The following CSMD2 variants were observed in gnomAD, a reference collection of about 807,000 sequenced individuals.
CSMD2 encodes the protein CUB and Sushi multiple domains 2.
Under a neutral mutation model 398.5 loss-of-function variants are expected in CSMD2, and 130 were observed. The observed-to-expected ratio is 0.33, with a 90% CI of 0.28 to 0.38. The LOEUF is 0.38. CSMD2 is among the 10% of genes least tolerant of loss of function. The pLI is 1.00. For missense variants in CSMD2, 3,829 were observed against 4,764.9 expected (o/e 0.80, Z 5.78); for synonymous variants, 1,828 against 1,908.5 (o/e 0.96, Z 1.10).
intron 5 of CSMD2, among the ~76,000 whole-genome samples, chr1:33,875,268 G>C (rs896405404): frequency 2.0e-5 from 3 of 152,220 alleles, no homozygotes; most frequent in African/African-American, 7.2e-5. Context: ...AACATAAGGG[G>C]CGGGGGAACT....
intron 10 of CSMD2, among the ~76,000 whole-genome samples, chr1:33,799,131 C>G (rs1224327751): frequency 6.6e-6 from 1 of 152,198 alleles, no homozygotes; most frequent in East Asian, 1.9e-4. Flanking sequence ...CCAAATCTGT[C>G]CTATAGCCTA....
rs530210133 is a variant in CSMD2, at chr1:33,592,370, A to C, written c.6857-5202T>G. 4 of 715,398 alleles carry C rather than the reference A, an allele frequency of 5.6e-6. No homozygotes were observed. In the African/African-American group the frequency reaches 7.0e-5, roughly 12 times the overall value. The allele number at this position is 715,398 out of a possible 1,614,324, so 44.3% of individuals were successfully genotyped here. A position where few individuals can be genotyped will look rare whatever the true frequency, so the allele number is the denominator to read the frequency against. ...TCCTATTTCAACTTCCCAAGAGAGA[A>C]CATCTGATTGCCCCTGCTGCAGTCA... On this transcript the variant is annotated intron_variant, in intron 44 of 70. Coordinates refer to ENST00000373381, the MANE Select transcript of CSMD2 (RefSeq NM_001281956.2).
intron 42 of CSMD2, 133 bp from the exon 43 acceptor site, chr1:33,602,679 G>T: frequency 2.7e-6 from 2 of 736,236 alleles, no homozygotes; most frequent in Non-Finnish European, 4.2e-6. Context: ...TGCGGAAGGG[G>T]AGGCCAAGCT....
chr1:33,871,930 A>G (rs1488673471), intron 5 of CSMD2, among the ~76,000 whole-genome samples: 6 of 152,190 alleles, frequency 3.9e-5, no homozygotes, highest in Non-Finnish European at 7.3e-5. Context: ...TAAAGCCACC[A>G]GTCCCACTCT....
chr1:34,044,141 G>A (rs1652205174), intron 2 of CSMD2, among the ~76,000 whole-genome samples: 1 of 152,080 alleles, frequency 6.6e-6, no homozygotes, highest in Admixed American at 6.6e-5. Flanking sequence ...CATGCGGGTG[G>A]TGATGCAGAC....
chr1:33,564,339 C>G (rs994913753), intron 53 of CSMD2, among the ~76,000 whole-genome samples: 4 of 152,190 alleles, frequency 2.6e-5, no homozygotes, highest in Non-Finnish European at 5.9e-5. Flanking sequence ...ACCTGAGTGC[C>G]TAACTACTTC....
chr1:34,111,982 TTCTCTCTCTCTCTCTCTCTCTC>T (rs6143186), intron 1 of CSMD2, among the ~76,000 whole-genome samples: 2 of 149,688 alleles, frequency 1.3e-5, no homozygotes, highest in Admixed American at 6.6e-5. Flanking sequence ...TTCTTTCAAA[TTCTCTCTCTCTCTCTCTCTCTC>T]TCTCTCTCTC....
At chr1:34,046,609 C>T (rs1366816665) in intron 2 of CSMD2, among the ~76,000 whole-genome samples, 1 of 152,274 alleles carries the variant, frequency 6.6e-6, no homozygotes, top group Middle Eastern at 3.4e-3. Context: ...GCTTTATTTA[C>T]GACATCAGTT....
At chr1:34,083,080 T>TA (rs1657438169) in intron 2 of CSMD2, among the ~76,000 whole-genome samples, 1 of 135,152 alleles carries the variant, frequency 7.4e-6, no homozygotes, top group East Asian at 2.1e-4. Flanking sequence ...ACTAAAAAAA[T>TA]TAAAAAAAAA....
At chr1:33,830,886 T>C (rs7531607) in intron 6 of CSMD2, among the ~76,000 whole-genome samples, 115,415 of 152,174 alleles carry the variant, frequency 0.76, 44,203 homozygotes, top group East Asian at 0.94. Context: ...GGAGCTGAAG[T>C]GATCAACTGG....
At chr1:33,723,073 G>C (rs1273865206) in intron 19 of CSMD2, among the ~76,000 whole-genome samples, 1 of 152,056 alleles carries the variant, frequency 6.6e-6, no homozygotes, top group Non-Finnish European at 1.5e-5. Flanking sequence ...CACACGGAGG[G>C]ATCTATTTCT....
intron 13 of CSMD2, among the ~76,000 whole-genome samples, chr1:33,752,915 A>G (rs1349699351): frequency 1.3e-5 from 2 of 152,218 alleles, no homozygotes; most frequent in East Asian, 3.9e-4. Context: ...TGCAAGTTTG[A>G]ACTTAAGAGT....
intron 25 of CSMD2, among the ~76,000 whole-genome samples, chr1:33,677,179 C>A (rs1410069003): frequency 1.3e-5 from 2 of 152,116 alleles, no homozygotes; most frequent in African/African-American, 4.8e-5. Context: ...AGGCAACCTA[C>A]AGAATGGGAG....
intron 23 of CSMD2, 94 bp from the exon 24 acceptor site, chr1:33,699,038 T>C (rs1446369805): frequency 7.3e-6 from 8 of 1,098,246 alleles, no homozygotes; most frequent in Non-Finnish European, 1.0e-5. Context: ...TCAAGGAAGC[T>C]GTCTCAGCCA....
chr1:33,963,010 T>A (rs981106739), intron 3 of CSMD2, among the ~76,000 whole-genome samples: 2 of 152,210 alleles, frequency 1.3e-5, no homozygotes, highest in African/African-American at 2.4e-5. Flanking sequence ...TATCTGTGAA[T>A]GAATGAATAA....
intron 3 of CSMD2, among the ~76,000 whole-genome samples, chr1:33,965,353 A>T (rs1166465989): frequency 6.6e-6 from 1 of 152,114 alleles, no homozygotes; most frequent in Non-Finnish European, 1.5e-5. Flanking sequence ...CTGGCTCTGA[A>T]ATTATGCAAG....
chr1:33,955,344 G>A (rs909405886), intron 3 of CSMD2, among the ~76,000 whole-genome samples: 1 of 152,204 alleles, frequency 6.6e-6, no homozygotes, highest in African/African-American at 2.4e-5. Context: ...CACGCAGGAG[G>A]CTGAGCATGG....
intron 1 of CSMD2, among the ~76,000 whole-genome samples, chr1:34,102,935 A>G (rs1056110767): frequency 3.9e-5 from 6 of 152,144 alleles, no homozygotes; most frequent in African/African-American, 1.4e-4. Flanking sequence ...CCTCCCCAGT[A>G]AAATACAATC....
chr1:33,739,437 C>A, intron 14 of CSMD2, 103 bp from the exon 15 acceptor site: 1 of 1,100,728 alleles, frequency 9.1e-7, no homozygotes, highest in Non-Finnish European at 1.3e-6. Context: ...AGAACTCCAC[C>A]ACCTCCCCAA....
Sources: gnomAD v4.1 joint callset for allele counts (sites outside exome capture counted in the v4.1 genomes callset) on GRCh38, gnomAD v4.1.1 for gene constraint, MANE v1.5 for transcripts, NCBI Gene and HGNC (gene_info 2026-07-23, HGNC 2026-07-21) for gene names.